The following PLEKHM1 variants were observed in gnomAD, a reference collection of about 807,000 sequenced individuals.
The protein encoded by PLEKHM1 is pleckstrin homology and RUN domain containing M1.
In PLEKHM1, 28 loss-of-function variants were observed where a neutral mutation model predicts 94.3. That is an observed-to-expected ratio of 0.30 (90% CI 0.22 to 0.41). PLEKHM1 has a LOEUF of 0.41. Ranked by LOEUF, PLEKHM1 falls within the 10% of genes least tolerant of loss-of-function variation. PLEKHM1 has a pLI of 1.00. For synonymous variants in PLEKHM1, 424 were observed against 581.2 expected, an observed-to-expected ratio of 0.73 and a Z score of 3.89; for missense variants, 907 against 1,358.6, an observed-to-expected ratio of 0.67 and a Z score of 5.22.
At chr17:45,486,500 G>A (rs1220822905) in intron 1 of PLEKHM1, among the ~76,000 whole-genome samples, 2 of 151,912 alleles carry the variant, frequency 1.3e-5, no homozygotes. Context: ...CGTGGACCCA[G>A]GAGGTGGAGC....
At chr17:45,470,522 G>T (rs2051468243) in intron 4 of PLEKHM1, among the ~76,000 whole-genome samples, 1 of 152,278 alleles carries the variant, frequency 6.6e-6, no homozygotes, top group South Asian at 2.1e-4. Flanking sequence ...CCAGCTACTT[G>T]GGGGGCTAAG....
In PLEKHM1 at chr17:45,477,923, G is replaced by A. The variant is rs2051807555; in HGVS notation, c.273C>T (p.Pro91=). Residue 91 remains proline, a synonymous_variant, in exon 3 of 12, where the codon CCC becomes CCT. Coordinates refer to ENST00000430334, the MANE Select transcript of PLEKHM1 (RefSeq NM_014798.3). ...ACTTGTGGGTGACAGCTTTCAGGAG[G>A]GGCCAGAAGACAGGCTGGGGCAGAG... ...QKPLPQPVFW[P]LLKAVTHKHI... is the part of the protein sequence containing the mutation. 4 of 1,613,912 alleles carry A rather than the reference G, an allele frequency of 2.5e-6. No homozygotes were observed. In the South Asian group the frequency reaches 3.3e-5, roughly 13 times the overall value.
chr17:45,442,284 C>T (rs1597914506), intron 9 of PLEKHM1, among the ~76,000 whole-genome samples: 1 of 152,346 alleles, frequency 6.6e-6, no homozygotes, highest in African/African-American at 2.4e-5. Flanking sequence ...CTCCTCTCAA[C>T]CTTCCCTCTG....
chr17:45,470,384 C>G (rs1433979008), intron 4 of PLEKHM1, among the ~76,000 whole-genome samples: 2 of 152,262 alleles, frequency 1.3e-5, no homozygotes, highest in Non-Finnish European at 2.9e-5. Flanking sequence ...AATCCCAGCA[C>G]TTTGGAGGCC....
At chr17:45,463,070 C>T (rs1395761244) in intron 5 of PLEKHM1, among the ~76,000 whole-genome samples, 1 of 141,280 alleles carries the variant, frequency 7.1e-6, no homozygotes, top group Non-Finnish European at 1.5e-5. Flanking sequence ...TGGGCAACAG[C>T]ACAAGAGTCT....
At chr17:45,459,252 C>T (rs763257938) in intron 5 of PLEKHM1, 3 of 152,222 alleles carry the variant, frequency 2.0e-5, no homozygotes, top group African/African-American at 7.2e-5. Context: ...AAGGAAACCC[C>T]GTACCCATTA....
At chr17:45,463,071 A>G (rs9910319) in intron 5 of PLEKHM1, among the ~76,000 whole-genome samples, 110,104 of 140,954 alleles carry the variant, frequency 0.78, 43,522 homozygotes, top group African/African-American at 0.85. Flanking sequence ...GGGCAACAGC[A>G]CAAGAGTCTG....
Position 45,445,524 on chromosome 17 carries a change from A to G in PLEKHM1, c.2783T>C (p.Leu928Pro). The change falls in exon 9 of 12, where the codon CTG (leucine) becomes CCG (proline). Residue 928 changes from leucine to proline, a missense_variant. By Grantham distance (98) the Leu-to-Pro change is moderately conservative (BLOSUM62 -3). This residue lies in a region of PLEKHM1 where 254 missense variants were observed against 451.1 expected (regional missense o/e 0.56). Coordinates refer to ENST00000430334, the MANE Select transcript of PLEKHM1 (RefSeq NM_014798.3). This position sits in a 1 kb window ranked among gnomAD's most constrained non-coding sequence, Gnocchi z 4.2. Reference protein sequence around the residue: ...IGRRREQLKLLGDYLGLCRSG... With the variant: ...IGRRREQLKLPGDYLGLCRSG... ...CCGGCACAGGCCCAGGTAATCCCCC[A>G]GGAGCTTCAGCTGCTCCCGTCTCCT... 6.2e-7 allele frequency: 1 copy of G among 1,613,870 alleles called. No homozygotes were observed. Among genetic ancestry groups the G allele is most frequent in the Non-Finnish European group, 8.5e-7 (1 of 1,179,858 alleles).
intron 5 of PLEKHM1, among the ~76,000 whole-genome samples, chr17:45,465,560 A>G (rs1390924479): frequency 6.6e-6 from 1 of 151,988 alleles, no homozygotes; most frequent in African/African-American, 2.4e-5. Flanking sequence ...AAATACAAAA[A>G]TTAGCTGGGC....
At chr17:45,481,099 C>T (rs2051937805) in intron 2 of PLEKHM1, among the ~76,000 whole-genome samples, 1 of 152,086 alleles carries the variant, frequency 6.6e-6, no homozygotes, top group South Asian at 2.1e-4. Context: ...TTATTACAGC[C>T]ATCCTAGGGG....
chr17:45,439,891 G>T, intron 10 of PLEKHM1: 1 of 644,512 alleles, frequency 1.6e-6, no homozygotes, highest in Non-Finnish European at 2.8e-6. Flanking sequence ...CAAATTCACT[G>T]TACCCTCCCC....
chr17:45,440,291 T>C, intron 9 of PLEKHM1, 65 bp from the exon 10 acceptor site: 1 of 1,470,662 alleles, frequency 6.8e-7, no homozygotes, highest in Non-Finnish European at 9.5e-7. Context: ...CTGTGTTGTT[T>C]GTTTACACTC....
chr17:45,463,832 G>C (rs545196146), intron 5 of PLEKHM1: 2 of 152,440 alleles, frequency 1.3e-5, no homozygotes, highest in East Asian at 3.9e-4. Context: ...TGCCACCAGC[G>C]ACCCAAGACA....
intron 4 of PLEKHM1, among the ~76,000 whole-genome samples, chr17:45,470,399 CGGGT>C (rs763514837): frequency 8.3e-4 from 126 of 152,372 alleles, no homozygotes; most frequent in Non-Finnish European, 9.7e-4. Context: ...GAGGCCAAGG[CGGGT>C]GGATCACCTG....
intron 1 of PLEKHM1, among the ~76,000 whole-genome samples, chr17:45,484,848 TGAG>T (rs2052061804): frequency 6.6e-6 from 1 of 151,300 alleles, no homozygotes; most frequent in Non-Finnish European, 1.5e-5. Context: ...TGGAGCAGCA[TGAG>T]GTTTGGAAAG....
chr17:45,472,090 G>C (rs1158394684), intron 4 of PLEKHM1, among the ~76,000 whole-genome samples: 2 of 151,492 alleles, frequency 1.3e-5, no homozygotes, highest in African/African-American at 4.9e-5. Flanking sequence ...GTAATGATAA[G>C]CACAAGGAAT....
chr17:45,435,643 C>T (rs2050235393), downstream of PLEKHM1, among the ~76,000 whole-genome samples: 1 of 152,190 alleles, frequency 6.6e-6, no homozygotes, highest in South Asian at 2.1e-4. Context: ...AGTGTGGGTA[C>T]ACCTCCCCAG....
intron 4 of PLEKHM1, among the ~76,000 whole-genome samples, chr17:45,469,141 C>G (rs2051418133): frequency 6.6e-6 from 1 of 152,060 alleles, no homozygotes. Context: ...CTGGTCCCCT[C>G]AGAGCTGGAC....
At chr17:45,461,519 GC>G (rs1454599605) in intron 5 of PLEKHM1, among the ~76,000 whole-genome samples, 1 of 152,198 alleles carries the variant, frequency 6.6e-6, no homozygotes, top group African/African-American at 2.4e-5. Context: ...TATAGTTTTA[GC>G]TCTTACATTT....
Sources: allele counts gnomAD v4.1 joint callset (sites outside exome capture counted in the v4.1 genomes callset), GRCh38; gene constraint gnomAD v4.1.1; regional missense constraint gnomAD v4.1.1; non-coding constraint Gnocchi (gnomAD v3.1); transcripts MANE v1.5; gene names NCBI Gene and HGNC (gene_info 2026-07-23, HGNC 2026-07-21).